Variants in MARK1 observed in about 807,000 individuals in gnomAD.
The protein encoded by MARK1 is serine/threonine-protein kinase MARK1.
A neutral mutation model predicts 96.3 loss-of-function variants in MARK1; 40 were observed. The ratio of observed to expected loss-of-function variants is 0.42; its 90% confidence interval spans 0.32 to 0.54. The LOEUF is 0.54. MARK1 is among the 20% of genes least tolerant of loss of function. The pLI is 0.16. For missense variants in MARK1, 719 were observed against 984.6 expected, an observed-to-expected ratio of 0.73 and a Z score of 3.61; for synonymous variants, 317 against 341.2, an observed-to-expected ratio of 0.93 and a Z score of 0.78.
chr1:220,540,651 A>G (rs1661074245), intron 1 of MARK1, among the ~76,000 whole-genome samples: 2 of 152,238 alleles, frequency 1.3e-5, no homozygotes, highest in South Asian at 4.1e-4. Context: ...GTAGTATCTT[A>G]TATCGTTTTT....
At position 220,653,209 on chromosome 1, in the gene MARK1, T is replaced by C. The variant is rs375430702; in HGVS notation, c.1845T>C (p.His615=). 1.2e-6 allele frequency: 2 copies of C among 1,614,242 alleles called. No homozygotes were observed. Among genetic ancestry groups the C allele is most frequent in the South Asian group, 1.1e-5 (1 of 91,088 alleles). The change falls in exon 16 of 18, where the codon CAT becomes CAC. Residue 615 remains histidine, a synonymous_variant. Transcript: ENST00000366917. ...PRGSSSRSTF[H]GEQLRERRSV... is the part of the protein sequence containing the mutation. ...GGAGCTCAAGCCGAAGCACTTTCCA[T>C]GGTGAACAGCTCCGGGAGCGACGCA...
chr1:220,632,170 T>C, intron 10 of MARK1, 31 bp from the exon 11 acceptor site: 1 of 1,129,436 alleles, frequency 8.9e-7, no homozygotes. Context: ...TAAAACCATT[T>C]TCAGAAAATT....
At chr1:220,533,554 T>C (rs947108796) in intron 1 of MARK1, among the ~76,000 whole-genome samples, 2 of 152,188 alleles carry the variant, frequency 1.3e-5, no homozygotes, top group Non-Finnish European at 1.5e-5. Flanking sequence ...TTTTTAGATC[T>C]GAAGACATAT....
At position 220,617,223 on chromosome 1, in the gene MARK1, A is replaced by G. The variant is rs60674117; in HGVS notation, c.553-1087A>G. 7.9e-5 allele frequency among the ~76,000 whole-genome samples: 12 copies of G among 152,280 alleles called. No individual in the cohort carries two copies. In the East Asian group the frequency reaches 2.3e-3, roughly 29 times the overall value. Reference sequence around the variant, plus strand: ...TTATAGTATTTATGTGATAAATTATACCCTATTTTTATTGTATATTTTGGG... The same window carrying G: ...TTATAGTATTTATGTGATAAATTATGCCCTATTTTTATTGTATATTTTGGG... On this transcript the variant is annotated intron_variant, in intron 7 of 17. Coordinates refer to ENST00000366917, the MANE Select transcript of MARK1 (RefSeq NM_018650.5).
At chr1:220,553,715 T>C (rs555090154) in intron 1 of MARK1, among the ~76,000 whole-genome samples, 61 of 152,276 alleles carry the variant, frequency 4.0e-4, no homozygotes, top group Middle Eastern at 3.4e-3. Context: ...TAGAGTTCGG[T>C]AGTAAGCTAC....
intron 14 of MARK1, 106 bp downstream of exon 14, chr1:220,650,826 A>C (rs1668833686): frequency 1.4e-6 from 1 of 710,994 alleles, no homozygotes; most frequent in African/African-American, 1.8e-5. Flanking sequence ...CAGTTATTAC[A>C]TGAAATAGTA....
chr1:220,615,576 T>A (rs906421238), intron 6 of MARK1, among the ~76,000 whole-genome samples: 6 of 152,138 alleles, frequency 3.9e-5, no homozygotes, highest in African/African-American at 1.4e-4. Flanking sequence ...AAATACTAAT[T>A]CATGTGTGCC....
chr1:220,579,046 T>C lies in MARK1; in HGVS notation c.52-308T>C, dbSNP rs371113281. 5.1e-3 allele frequency among the ~76,000 whole-genome samples: 776 copies of C among 152,180 alleles called. 4 individuals carry two copies. The highest frequency in any genetic ancestry group is 0.017 in the African/African-American group (724 of 41,494). ...TTGTAGAGATGGGGTTTCACTGTTTTGGCGAGGCTGGTCATGAACTCCTGA... is the reference window on the plus strand; with the variant it reads ...TTGTAGAGATGGGGTTTCACTGTTTCGGCGAGGCTGGTCATGAACTCCTGA... On this transcript the variant is annotated intron_variant, in intron 1 of 17. Transcript: ENST00000366917.
chr1:220,530,812 C>T (rs1660263713), intron 1 of MARK1, among the ~76,000 whole-genome samples: 2 of 152,054 alleles, frequency 1.3e-5, no homozygotes, highest in Admixed American at 1.3e-4. Context: ...TGGTCTTGTG[C>T]CTTATTGTGT....
chr1:220,631,069 A>T lies in MARK1; in HGVS notation c.944A>T (p.His315Leu), dbSNP rs992004325. Reference sequence around the variant, plus strand: ...AAAGATCGATGGATGAATGTTGGTCATGAAGAGGAAGAACTAAAGCCATAT... The same window carrying T: ...AAAGATCGATGGATGAATGTTGGTCTTGAAGAGGAAGAACTAAAGCCATAT... ...IMKDRWMNVG[H>L]EEEELKPYTE... Residue 315 changes from histidine (H) to leucine (L), a missense_variant, in exon 10 of 18, where the codon CAT (histidine) becomes CTT (leucine). Transcript: ENST00000366917. 4 of 1,612,960 alleles carry T rather than the reference A, an allele frequency of 2.5e-6. No homozygotes were observed. In the African/African-American group the frequency reaches 4.0e-5, roughly 16 times the overall value.
intron 6 of MARK1, among the ~76,000 whole-genome samples, chr1:220,614,076 T>C (rs949572074): frequency 1.3e-5 from 2 of 152,100 alleles, no homozygotes; most frequent in Non-Finnish European, 1.5e-5. Context: ...GGTGTGAACA[T>C]GGCATACTGC....
intron 17 of MARK1, among the ~76,000 whole-genome samples, chr1:220,661,121 C>T (rs761448686): frequency 1.3e-5 from 2 of 152,156 alleles, no homozygotes; most frequent in African/African-American, 2.4e-5. Context: ...GAACATAACC[C>T]GTGTGTTCAA....
rs184802445 is a variant in MARK1, at chr1:220,588,307, A to G, written c.309+7189A>G. 5.9e-3 allele frequency among the ~76,000 whole-genome samples: 906 copies of G among 152,336 alleles called. 4 individuals are homozygous for G. The highest frequency in any genetic ancestry group is 0.01 in the Non-Finnish European group (699 of 68,028). On this transcript the variant is annotated intron_variant, in intron 3 of 17. Transcript: ENST00000366917. ...AATGTGAAATTGGTACTAGTTCATA[A>G]GAAATTATAAGACTTATAATCTTCT...
In MARK1 at chr1:220,635,982, C is replaced by T. The variant is rs1376330434; in HGVS notation, c.1426C>T (p.Pro476Ser). ...VGSKSEMTAS[P>S]LVGPERKKSS... ...ATCAAAAAGCGAGATGACTGCAAGC[C>T]CTCTTGTAGGGCCAGAGAGGAAAAA... The change falls in exon 13 of 18, where the codon CCT becomes TCT. Residue 476 changes from proline (P) to serine (S), a missense_variant. Pro to Ser is a moderately conservative substitution (Grantham distance 74). Coordinates refer to ENST00000366917, the MANE Select transcript of MARK1 (RefSeq NM_018650.5). 6.2e-7 allele frequency: 1 copy of T among 1,613,724 alleles called. No homozygotes were observed. Among genetic ancestry groups the T allele is most frequent in the Admixed American group, 1.7e-5 (1 of 59,914 alleles).
At chr1:220,644,460 C>G (rs998354474) in intron 13 of MARK1, among the ~76,000 whole-genome samples, 3 of 78,392 alleles carry the variant, frequency 3.8e-5, no homozygotes, top group Non-Finnish European at 8.2e-5. Flanking sequence ...CCCCCCCCCC[C>G]CCACACACAC....
chr1:220,659,773 C>T (rs181504364), intron 17 of MARK1, among the ~76,000 whole-genome samples: 80 of 152,210 alleles, frequency 5.3e-4, no homozygotes, highest in Admixed American at 1.0e-3. Flanking sequence ...CTCATTAGCT[C>T]TATAACTTCA....
At chr1:220,542,348 T>C (rs544064965) in intron 1 of MARK1, among the ~76,000 whole-genome samples, 1 of 152,360 alleles carries the variant, frequency 6.6e-6, no homozygotes, top group South Asian at 2.1e-4. Context: ...ATTGTTGATA[T>C]CTGCTAATTC....
intron 3 of MARK1, among the ~76,000 whole-genome samples, chr1:220,583,343 A>T (rs2102850998): frequency 6.6e-6 from 1 of 152,298 alleles, no homozygotes; most frequent in South Asian, 2.1e-4. Flanking sequence ...TGCAAACATC[A>T]ATGATAGATA....
chr1:220,549,568 T>G (rs1432962086), intron 1 of MARK1, among the ~76,000 whole-genome samples: 1 of 152,248 alleles, frequency 6.6e-6, no homozygotes, highest in Admixed American at 6.5e-5. Context: ...TCTGTTTTAC[T>G]AGAATTTTTG....
Sources: gnomAD v4.1 joint callset for allele counts (sites outside exome capture counted in the v4.1 genomes callset) on GRCh38, gnomAD v4.1.1 for gene constraint, MANE v1.5 for transcripts, NCBI Gene and HGNC (gene_info 2026-07-23, HGNC 2026-07-21) for gene names.